The following PCDHGB4 variants were observed in gnomAD, a reference collection of about 807,000 sequenced individuals.
The protein encoded by PCDHGB4 is protocadherin gamma subfamily B, 4, also known as protocadherin gamma-B4.
Under a neutral mutation model 60.5 loss-of-function variants are expected in PCDHGB4, and 38 were observed. The ratio of observed to expected loss-of-function variants is 0.63; its 90% CI spans 0.48 to 0.82. The LOEUF (loss-of-function observed/expected upper bound fraction) is 0.82, where lower values mean the gene tolerates loss of function less well. Among genes scored for constraint, PCDHGB4 ranks in the 40% least tolerant of loss-of-function variants. The pLI is 0.00. For synonymous variants in PCDHGB4, 456 were observed against 509.7 expected, an observed-to-expected ratio of 0.89 and a Z score of 1.42; for missense variants, 1,109 against 1,209.6, an observed-to-expected ratio of 0.92 and a Z score of 1.23.
chr5:141,454,860 T>G (rs62379170), intron 1 of PCDHGB4, among the ~76,000 whole-genome samples: 5,850 of 133,200 alleles, frequency 0.044, 153 homozygotes, highest in Middle Eastern at 0.11. Context: ...CAGGCTGGAG[T>G]GCAGTGGCAC....
In PCDHGB4 at chr5:141,477,446, C is replaced by A; in HGVS notation, c.2398-17361C>A. 1 of 1,614,196 alleles carries A rather than the reference C, an allele frequency of 6.2e-7. No homozygotes were observed. The highest frequency in any genetic ancestry group is 8.5e-7 in the Non-Finnish European group (1 of 1,180,022). The stretch of plus-strand genomic sequence containing the variant: ...TTCCCTCTCAGCCCTTACAATAGTG[C>A]GTGTTCAAGTGTCCGACATCAATGA... On this transcript the variant is annotated intron_variant, in intron 1 of 3. Transcript: ENST00000519479. The surrounding 1 kb of genome is among the most constrained non-coding windows in gnomAD (Gnocchi z 4.9).
At chr5:141,472,849 G>C (rs966051912) in intron 1 of PCDHGB4, among the ~76,000 whole-genome samples, 1 of 151,340 alleles carries the variant, frequency 6.6e-6, no homozygotes, top group East Asian at 2.0e-4. Flanking sequence ...AGCTGGGCAT[G>C]GTGGCACATG....
chr5:141,439,673 C>G (rs1468476569), intron 1 of PCDHGB4, among the ~76,000 whole-genome samples: 1 of 152,174 alleles, frequency 6.6e-6, no homozygotes, highest in Non-Finnish European at 1.5e-5. Flanking sequence ...AATGCAAATC[C>G]AAGAGCAGAC....
intron 1 of PCDHGB4, among the ~76,000 whole-genome samples, chr5:141,466,815 A>G (rs1019952491): frequency 1.3e-5 from 2 of 152,182 alleles, no homozygotes; most frequent in Non-Finnish European, 2.9e-5. Flanking sequence ...CAGACATGGT[A>G]TAACAAGTTA....
At chr5:141,414,491 A>T in intron 1 of PCDHGB4, 1 of 1,613,962 alleles carries the variant, frequency 6.2e-7, no homozygotes, top group Non-Finnish European at 8.5e-7. Flanking sequence ...CTATCAACGG[A>T]AGCTCACTTT....
chr5:141,420,415 T>A, intron 1 of PCDHGB4: 1 of 1,217,296 alleles, frequency 8.2e-7, no homozygotes, highest in Non-Finnish European at 1.1e-6. Context: ...TTATCATTAT[T>A]AAAACAAAAG....
chr5:141,458,165 A>T lies in PCDHGB4; in HGVS notation c.2398-36642A>T, dbSNP rs10075475. On this transcript the variant is annotated intron_variant, in intron 1 of 3. Coordinates refer to ENST00000519479, the MANE Select transcript of PCDHGB4 (RefSeq NM_003736.4). Reference sequence around the variant, plus strand: ...TGAACATGCTCCAAATTTTGTTCACAGTAGTATACCTTACTTGATTATTAA... The same window carrying T: ...TGAACATGCTCCAAATTTTGTTCACTGTAGTATACCTTACTTGATTATTAA... Among the ~76,000 whole-genome samples the T allele has an allele frequency of 2.4e-3, 368 of 152,356 alleles. 2 individuals carry two copies. The highest frequency in any genetic ancestry group is 8.5e-3 in the African/African-American group (354 of 41,588).
chr5:141,473,431 G>A (rs541546681), intron 1 of PCDHGB4, among the ~76,000 whole-genome samples: 10 of 152,266 alleles, frequency 6.6e-5, no homozygotes, highest in Non-Finnish European at 1.3e-4. Flanking sequence ...CAGATACTTT[G>A]CTTATGCAAA....
In PCDHGB4 at chr5:141,489,663, C is replaced by T. The variant is rs1183544696; in HGVS notation, c.2398-5144C>T. The T allele has an allele frequency of 1.9e-6, 3 of 1,614,048 alleles. No individual in the cohort carries two copies. The highest frequency in any genetic ancestry group is 2.2e-5 in the South Asian group (2 of 91,094). ...TTGCCACCCCTGAGCGAGAGATGCGCATCTCAGAATCAGCAGCATCTGGGG... is the reference window on the plus strand; with the variant it reads ...TTGCCACCCCTGAGCGAGAGATGCGTATCTCAGAATCAGCAGCATCTGGGG... On this transcript the variant is annotated intron_variant, in intron 1 of 3. Coordinates refer to ENST00000519479, the MANE Select transcript of PCDHGB4 (RefSeq NM_003736.4). This position sits in a 1 kb window ranked among gnomAD's most constrained non-coding sequence, Gnocchi z 4.5.
chr5:141,428,609 A>G, intron 1 of PCDHGB4: 1 of 215,052 alleles, frequency 4.7e-6, no homozygotes, highest in South Asian at 7.9e-5. Context: ...ACTGAAGAGA[A>G]TAACAAGATA....
At chr5:141,408,104 C>A (rs546603908) in intron 1 of PCDHGB4, 5 of 1,441,798 alleles carry the variant, frequency 3.5e-6, no homozygotes, top group Non-Finnish European at 2.7e-6. Flanking sequence ...CTCCGAGACC[C>A]GGGACTCCTC....
chr5:141,419,140 G>C, intron 1 of PCDHGB4: 1 of 1,613,868 alleles, frequency 6.2e-7, no homozygotes, highest in Non-Finnish European at 8.5e-7. Flanking sequence ...CCACAGACAG[G>C]GGCAAGCCTC....
chr5:141,474,180 A>G (rs763042503), intron 1 of PCDHGB4, among the ~76,000 whole-genome samples: 4 of 152,240 alleles, frequency 2.6e-5, no homozygotes, highest in Non-Finnish European at 4.4e-5. Context: ...TGAGAAAACT[A>G]CTTACATTTT....
chr5:141,482,753 G>A (rs2154579665), intron 1 of PCDHGB4, among the ~76,000 whole-genome samples: 1 of 127,136 alleles, frequency 7.9e-6, no homozygotes. Context: ...GAGGGATTAT[G>A]GTATTTCATT....
At position 141,420,439 on chromosome 5, in the gene PCDHGB4, C is replaced by T. The variant is rs2096496531; in HGVS notation, c.2397+30158C>T. ...TTAAAACAAAAGTTTAAATTAAATGCCTCAGTCTTCCTACTATTCAAAGAC... is the reference window on the plus strand; with the variant it reads ...TTAAAACAAAAGTTTAAATTAAATGTCTCAGTCTTCCTACTATTCAAAGAC... On this transcript the variant is annotated intron_variant, in intron 1 of 3. Coordinates refer to ENST00000519479, the MANE Select transcript of PCDHGB4 (RefSeq NM_003736.4). 10 of 1,073,160 alleles carry T rather than the reference C, an allele frequency of 9.3e-6. No individual in the cohort carries two copies. In the South Asian group the frequency reaches 2.0e-4, roughly 22 times the overall value. The allele number at this position is 1,073,160 out of a possible 1,614,324, so 66.5% of individuals were successfully genotyped here.
chr5:141,433,122 G>C (rs1442464320), intron 1 of PCDHGB4: 1 of 1,614,134 alleles, frequency 6.2e-7, no homozygotes, highest in Admixed American at 1.7e-5. Flanking sequence ...TTTGAAAAAA[G>C]CGAGCCCCTT....
intron 1 of PCDHGB4, chr5:141,441,971 G>C: frequency 3.3e-6 from 1 of 298,820 alleles, no homozygotes; most frequent in Admixed American, 4.4e-5. Flanking sequence ...AGGCTCTTCA[G>C]CCTGGAATGC....
At chr5:141,393,335 C>T (rs764386599) in intron 1 of PCDHGB4, 1 of 1,613,458 alleles carries the variant, frequency 6.2e-7, no homozygotes, top group South Asian at 1.1e-5. Flanking sequence ...AGCTCAGCCC[C>T]AATCACCACT....
At chr5:141,488,738 ATGCAGGAAGT>A (rs771423337) in intron 1 of PCDHGB4, among the ~76,000 whole-genome samples, 1 of 152,222 alleles carries the variant, frequency 6.6e-6, no homozygotes, top group Non-Finnish European at 1.5e-5. Flanking sequence ...TTCTGAAGTC[ATGCAGGAAGT>A]TGCTGGGACA....
Sources: gnomAD v4.1 joint callset for allele counts (sites outside exome capture counted in the v4.1 genomes callset) on GRCh38, gnomAD v4.1.1 for gene constraint, Gnocchi (gnomAD v3.1) non-coding constraint, MANE v1.5 for transcripts, NCBI Gene and HGNC (gene_info 2026-07-23, HGNC 2026-07-21) for gene names.